The following ALK variants were observed in gnomAD, a reference collection of about 807,000 sequenced individuals.
The protein encoded by ALK is ALK receptor tyrosine kinase.
ALK carries 74 observed loss-of-function variants against 163.1 expected under a neutral mutation model. The observed-to-expected ratio is 0.45, with a 90% CI of 0.38 to 0.55. The LOEUF (loss-of-function observed/expected upper bound fraction) is 0.55. ALK is among the 20% of genes least tolerant of loss of function. The probability of loss-of-function intolerance (pLI) is 0.00; values close to 1 mark genes in which losing one functional copy is unlikely to be tolerated. For synonymous variants in ALK, 960 were observed against 843.2 expected, an observed-to-expected ratio of 1.14 and a Z score of -2.40; for missense variants, 2,063 against 2,105.3, an observed-to-expected ratio of 0.98 and a Z score of 0.39.
intron 5 of ALK, among the ~76,000 whole-genome samples, chr2:29,383,216 T>C (rs1265316876): frequency 6.6e-6 from 1 of 152,170 alleles, no homozygotes; most frequent in Non-Finnish European, 1.5e-5. Context: ...TATGTGCCTA[T>C]GTGTTCTCAA....
At chr2:29,721,690 C>A (rs564983532) in intron 1 of ALK, among the ~76,000 whole-genome samples, 2 of 152,220 alleles carry the variant, frequency 1.3e-5, no homozygotes, top group Admixed American at 1.3e-4. Context: ...CACTTAGGTG[C>A]TAGTCTCGTC....
intron 4 of ALK, among the ~76,000 whole-genome samples, chr2:29,408,441 T>C (rs1218457724): frequency 1.3e-5 from 2 of 151,962 alleles, no homozygotes; most frequent in South Asian, 2.1e-4. Flanking sequence ...GAGTGGACCA[T>C]GAGGGGTAAC....
chr2:29,251,128 C>T lies in ALK; in HGVS notation c.2181G>A (p.Lys727=). The change falls in exon 12 of 29, where the codon AAG becomes AAA. Residue 727 remains lysine, a synonymous_variant. Transcript: ENST00000389048. The part of the protein sequence containing the change: ...EGPLKGIQIW[K]VPATDTYSIS... ...ACCTGTAGGTGTCGGTGGCTGGCAC[C>T]TTCCAGATCTGGATGCCTTTCAGGG... 1.2e-6 allele frequency: 2 copies of T among 1,614,118 alleles called. No individual in the cohort carries two copies. The highest frequency in any genetic ancestry group is 1.7e-6 in the Non-Finnish European group (2 of 1,180,012).
intron 8 of ALK, among the ~76,000 whole-genome samples, chr2:29,309,829 A>G (rs1175789651): frequency 2.0e-5 from 3 of 152,158 alleles, no homozygotes; most frequent in Non-Finnish European, 4.4e-5. Flanking sequence ...ACACTGTGTG[A>G]AATAACGCTC....
intron 11 of ALK, among the ~76,000 whole-genome samples, chr2:29,255,701 A>G (rs1465927782): frequency 1.3e-5 from 2 of 152,186 alleles, no homozygotes; most frequent in Non-Finnish European, 2.9e-5. Flanking sequence ...TTGTCCCTAC[A>G]TAAGTCCCGG....
intron 3 of ALK, among the ~76,000 whole-genome samples, chr2:29,560,110 C>A (rs887182223): frequency 6.6e-6 from 1 of 152,104 alleles, no homozygotes; most frequent in South Asian, 2.1e-4. Context: ...TACCCAAGTG[C>A]AATGAAAACA....
At chr2:29,317,740 C>G (rs993166676) in intron 8 of ALK, among the ~76,000 whole-genome samples, 1 of 152,126 alleles carries the variant, frequency 6.6e-6, no homozygotes, top group Admixed American at 6.6e-5. Context: ...ATCACTGTAC[C>G]ATGCTGGGGT....
chr2:29,778,085 C>G (rs532568250), intron 1 of ALK, among the ~76,000 whole-genome samples: 3 of 152,318 alleles, frequency 2.0e-5, no homozygotes, highest in Admixed American at 2.0e-4. Context: ...TACAGCGGGT[C>G]TTCAATAGCT....
chr2:29,495,867 T>C (rs1672010020), intron 4 of ALK, among the ~76,000 whole-genome samples: 1 of 152,196 alleles, frequency 6.6e-6, no homozygotes, highest in East Asian at 1.9e-4. Flanking sequence ...GCACATCCAA[T>C]GAATGGAGCT....
At chr2:29,327,688 T>C (rs1429161133) in intron 6 of ALK, among the ~76,000 whole-genome samples, 3 of 152,136 alleles carry the variant, frequency 2.0e-5, no homozygotes, top group Non-Finnish European at 4.4e-5. Flanking sequence ...ATTGTACACT[T>C]GAAGTGGGTG....
chr2:29,432,281 G>A (rs769024622), intron 4 of ALK, among the ~76,000 whole-genome samples: 15 of 152,162 alleles, frequency 9.9e-5, no homozygotes, highest in Non-Finnish European at 1.8e-4. Context: ...TAACAATTGA[G>A]TTCTCACTTT....
chr2:29,551,946 T>C (rs1043529383), intron 3 of ALK, among the ~76,000 whole-genome samples: 7 of 152,222 alleles, frequency 4.6e-5, no homozygotes, highest in African/African-American at 1.7e-4. Context: ...GCAACTATCA[T>C]CACAACCCAA....
chr2:29,692,626 C>T (rs1678434349), intron 3 of ALK, among the ~76,000 whole-genome samples: 1 of 152,224 alleles, frequency 6.6e-6, no homozygotes, highest in Admixed American at 6.5e-5. Flanking sequence ...GGCAGCTGAT[C>T]TGACAGGAGG....
At chr2:29,235,061 G>T (rs1274757486) in intron 13 of ALK, among the ~76,000 whole-genome samples, 1 of 152,332 alleles carries the variant, frequency 6.6e-6, no homozygotes, top group South Asian at 2.1e-4. Flanking sequence ...TATGCTCCTG[G>T]TTGGGGCTCA....
rs182604003 is a variant in ALK at position 29,317,937 on chromosome 2, T to C, written c.1647+367A>G. ...TGTAAATCAAATTTTTGAGGATGTA[T>C]AGTATTTACAATGTATTACAAGAGC... is the stretch of plus-strand genomic sequence containing the variant. On this transcript the variant is annotated intron_variant, in intron 8 of 28. Coordinates refer to ENST00000389048, the MANE Select transcript of ALK (RefSeq NM_004304.5). Among the ~76,000 whole-genome samples the C allele has an allele frequency of 3.3e-5, 5 of 152,350 alleles. 1 individual carries two copies. In the East Asian group the frequency reaches 9.6e-4, roughly 29 times the overall value.
At chr2:29,587,530 A>T (rs1674923434) in intron 3 of ALK, among the ~76,000 whole-genome samples, 1 of 149,944 alleles carries the variant, frequency 6.7e-6, no homozygotes, top group African/African-American at 2.5e-5. Context: ...GGCCCCTAAA[A>T]AACCCTTCTC....
intron 3 of ALK, among the ~76,000 whole-genome samples, chr2:29,559,716 G>A (rs1278664148): frequency 3.3e-5 from 5 of 151,790 alleles, no homozygotes; most frequent in Non-Finnish European, 5.9e-5. Flanking sequence ...TAATGAGGGT[G>A]GAGCTGCTGT....
chr2:29,882,076 A>T (rs1666883461), intron 1 of ALK, among the ~76,000 whole-genome samples: 2 of 151,866 alleles, frequency 1.3e-5, no homozygotes, highest in Non-Finnish European at 2.9e-5. Flanking sequence ...GCAAACAGGG[A>T]CTCCGTCTGA....
chr2:29,764,215 TG>T (rs1344586218), intron 1 of ALK, among the ~76,000 whole-genome samples: 2 of 152,182 alleles, frequency 1.3e-5, no homozygotes, highest in African/African-American at 2.4e-5. Context: ...GGCCCTGGGT[TG>T]ACTGCAGGGC....
Sources: gnomAD v4.1 joint callset for allele counts (sites outside exome capture counted in the v4.1 genomes callset) on GRCh38, gnomAD v4.1.1 for gene constraint, MANE v1.5 for transcripts, NCBI Gene and HGNC (gene_info 2026-07-23, HGNC 2026-07-21) for gene names.